The following ZNF516 variants were observed in gnomAD, a reference collection of about 807,000 sequenced individuals.
ZNF516 encodes the protein zinc finger protein 516.
A neutral mutation model predicts 79.7 loss-of-function variants in ZNF516; 19 were observed. That is an observed-to-expected ratio of 0.24 (90% confidence interval 0.17 to 0.35). The LOEUF is 0.35. Ranked by LOEUF, ZNF516 falls within the 10% of genes least tolerant of loss-of-function variation. The pLI, the probability that ZNF516 is intolerant of heterozygous loss-of-function variation, is 1.00. For missense variants in ZNF516, 1,678 were observed against 1,679.5 expected, an observed-to-expected ratio of 1.00 and a Z score of 0.02; for synonymous variants, 877 against 739.5, an observed-to-expected ratio of 1.19 and a Z score of -3.02.
chr18:76,458,411 G>A (rs995070651), intron 2 of ZNF516, among the ~76,000 whole-genome samples: 4 of 152,222 alleles, frequency 2.6e-5, no homozygotes, highest in Non-Finnish European at 5.9e-5. Flanking sequence ...GTGGGGTGGA[G>A]TTAAAAGGTT....
intron 2 of ZNF516, among the ~76,000 whole-genome samples, chr18:76,446,645 A>G (rs1037836096): frequency 1.3e-5 from 2 of 151,830 alleles, no homozygotes; most frequent in African/African-American, 4.8e-5. Context: ...ATTTCCTTAA[A>G]CTCACTTAAA....
chr18:76,492,436 G>A (rs1599176141), intron 1 of ZNF516: 1 of 917,108 alleles, frequency 1.1e-6, no homozygotes, highest in East Asian at 1.2e-4. Flanking sequence ...CAGGAGGCGG[G>A]TGGGCAGCCG....
upstream of ZNF516, chr18:76,495,587 C>G (rs565964657): frequency 6.1e-4 from 208 of 341,234 alleles, 1 homozygote; most frequent in South Asian, 4.9e-3. Context: ...CCTAATAGCA[C>G]TGAATCACGG....
intron 1 of ZNF516, among the ~76,000 whole-genome samples, chr18:76,483,648 C>T (rs1349861154): frequency 2.0e-5 from 3 of 152,204 alleles, no homozygotes; most frequent in Non-Finnish European, 4.4e-5. Flanking sequence ...CTGGTCTTCT[C>T]CGACCCCTTT....
At chr18:76,425,318 A>T (rs933911708) in intron 3 of ZNF516, among the ~76,000 whole-genome samples, 2 of 152,242 alleles carry the variant, frequency 1.3e-5, no homozygotes, top group Non-Finnish European at 2.9e-5. Flanking sequence ...CAGGACACAG[A>T]ATTCCCAAAA....
Position 76,443,009 on chromosome 18 carries a change from T to C in ZNF516, c.46A>G (p.Ser16Gly), listed in dbSNP as rs762203883. The change falls in exon 3 of 7, where the codon AGC becomes GGC. Residue 16 changes from serine to glycine, a missense_variant. Around this residue, in one of 5 missense-constraint regions of ZNF516, gnomAD observed 62 missense variants for 58.9 expected, o/e 1.05. Transcript: ENST00000443185. ...EAEMELRRGP[S>G]PTRAGRGHEV... ...TGGCCCCGGCCGGCCCTGGTGGGGC[T>C]GGGGCCTCGCCTCAGCTCCATCTCG... 39 of 1,599,504 alleles carry C rather than the reference T, an allele frequency of 2.4e-5. No homozygotes were observed. The South Asian group carries it at 4.1e-4, about 17-fold the overall frequency.
intron 3 of ZNF516, among the ~76,000 whole-genome samples, chr18:76,394,787 T>TG (rs1466989082): frequency 2.2e-4 from 1 of 4,472 alleles, no homozygotes; most frequent in Non-Finnish European, 4.2e-4. Context: ...GGTGGTCAGG[T>TG]GGGGGCAGGG....
intron 1 of ZNF516, among the ~76,000 whole-genome samples, chr18:76,465,539 T>C (rs1913409097): frequency 6.6e-6 from 1 of 152,194 alleles, no homozygotes; most frequent in Non-Finnish European, 1.5e-5. Flanking sequence ...TTTATACCTT[T>C]ACTTTCAGAT....
intron 3 of ZNF516, among the ~76,000 whole-genome samples, chr18:76,389,884 C>T (rs1037998786): frequency 2.0e-5 from 3 of 152,160 alleles, no homozygotes; most frequent in African/African-American, 7.2e-5. Context: ...CTAAGAGTCT[C>T]GTTGCTAGTC....
At chr18:76,392,021 G>A (rs760500483) in intron 3 of ZNF516, among the ~76,000 whole-genome samples, 4 of 152,208 alleles carry the variant, frequency 2.6e-5, no homozygotes, top group Admixed American at 6.5e-5. Context: ...TCACAACGCC[G>A]CCCCTGGCTT....
At chr18:76,481,706 G>A (rs772266912) in intron 1 of ZNF516, among the ~76,000 whole-genome samples, 3 of 152,224 alleles carry the variant, frequency 2.0e-5, no homozygotes, top group Non-Finnish European at 4.4e-5. Flanking sequence ...TCTGTTCATA[G>A]TAGGCACTTG....
chr18:76,416,246 G>A (rs913483694), intron 3 of ZNF516, among the ~76,000 whole-genome samples: 4 of 152,178 alleles, frequency 2.6e-5, no homozygotes, highest in South Asian at 2.1e-4. Flanking sequence ...AGAGGCGGCC[G>A]GTTCCCCAGG....
At chr18:76,452,330 C>T (rs1912464408) in intron 2 of ZNF516, among the ~76,000 whole-genome samples, 1 of 152,106 alleles carries the variant, frequency 6.6e-6, no homozygotes. Flanking sequence ...ATGACAAAGC[C>T]CCATTTTCTA....
At chr18:76,495,778 G>T (rs1915459714), upstream of ZNF516, 8 of 1,135,770 alleles carry the variant, frequency 7.0e-6, no homozygotes, top group Non-Finnish European at 8.8e-6. Context: ...ACCCCTTCGG[G>T]GGTCCCAGGT....
At chr18:76,384,028 C>T (rs974221593) in intron 3 of ZNF516, among the ~76,000 whole-genome samples, 2 of 152,210 alleles carry the variant, frequency 1.3e-5, no homozygotes, top group Non-Finnish European at 2.9e-5. Flanking sequence ...GACGAGGGGC[C>T]TCCCAGGCGG....
intron 1 of ZNF516, among the ~76,000 whole-genome samples, chr18:76,470,795 AC>A (rs1251924449): frequency 6.6e-6 from 1 of 152,166 alleles, no homozygotes; most frequent in African/African-American, 2.4e-5. Flanking sequence ...CGGGCGGATC[AC>A]CAGGTCAGGA....
intron 3 of ZNF516, among the ~76,000 whole-genome samples, chr18:76,418,960 C>T (rs554753772): frequency 7.2e-5 from 11 of 152,324 alleles, no homozygotes; most frequent in South Asian, 2.1e-4. Context: ...ATTCCGCAGA[C>T]GAAAAATGTG....
At chr18:76,435,115 C>G (rs2075712718) in intron 3 of ZNF516, among the ~76,000 whole-genome samples, 1 of 152,146 alleles carries the variant, frequency 6.6e-6, no homozygotes, top group East Asian at 1.9e-4. Flanking sequence ...CTCGAAAATT[C>G]TATGATCCTA....
chr18:76,403,860 A>C (rs1467777806), intron 3 of ZNF516, among the ~76,000 whole-genome samples: 1 of 152,206 alleles, frequency 6.6e-6, no homozygotes, highest in Non-Finnish European at 1.5e-5. Context: ...CAGTAATGAA[A>C]TACTTATGAT....
Sources: allele counts gnomAD v4.1 joint callset (sites outside exome capture counted in the v4.1 genomes callset), GRCh38; gene constraint gnomAD v4.1.1; regional missense constraint gnomAD v4.1.1; transcripts MANE v1.5; gene names NCBI Gene and HGNC (gene_info 2026-07-23, HGNC 2026-07-21).